PCNX4: variants seen among roughly 807,000 people sequenced by gnomAD.
The protein encoded by PCNX4 is pecanex 4.
Under a neutral mutation model 107.2 loss-of-function variants are expected in PCNX4, and 103 were observed. That is an observed-to-expected ratio of 0.96 (90% confidence interval 0.82 to 1.13). The LOEUF is 1.13. PCNX4 is among the 50% of genes most tolerant of loss of function. The pLI, the probability that PCNX4 is intolerant of heterozygous loss-of-function variation, is 0.00. For synonymous variants in PCNX4, 541 were observed against 481.7 expected (o/e 1.12, Z -1.61); for missense variants, 1,528 against 1,379.4 (o/e 1.11, Z -1.71).
At chr14:60,129,675 C>G (rs548491264) in intron 10 of PCNX4, among the ~76,000 whole-genome samples, 49 of 152,150 alleles carry the variant, frequency 3.2e-4, no homozygotes, top group African/African-American at 1.1e-3. Context: ...GGATTTGTAA[C>G]GTTTATAATG....
At position 60,122,343 on chromosome 14, in the gene PCNX4, G is replaced by A. The variant is rs886290565; in HGVS notation, c.2046+1044G>A. ...ATCTCTTCTTTCATTTAGAGTAAAA[G>A]CCAGGCTCTAAATGGCTAGGCTTCC... On this transcript the variant is annotated intron_variant, in intron 8 of 10. Transcript: ENST00000406854. Among the ~76,000 whole-genome samples, 65 of 152,166 alleles carry A rather than the reference G, an allele frequency of 4.3e-4. 1 individual carries two copies. Among genetic ancestry groups the A allele is most frequent in the African/African-American group, 1.4e-3 (59 of 41,512 alleles).
intron 1 of PCNX4, among the ~76,000 whole-genome samples, chr14:60,107,199 T>C (rs1033497170): frequency 6.6e-6 from 1 of 152,056 alleles, no homozygotes; most frequent in African/African-American, 2.4e-5. Flanking sequence ...CTGGATAATA[T>C]GGCAAAACCC....
At chr14:60,107,447 C>T in intron 1 of PCNX4, 139 bp from the exon 2 acceptor site, 4 of 560,276 alleles carry the variant, frequency 7.1e-6, no homozygotes, top group East Asian at 2.9e-5. Flanking sequence ...AAGTATGTGC[C>T]AGAAAGGGGT....
Position 60,144,771 on chromosome 14 carries a change from T to G in PCNX4, c.*10550T>G. ...TTTTATCCAAGAATATAGTATGAGT[T>G]AATACCTTTTTTGCAAGATTCATGG... On this transcript the variant is annotated 3_prime_UTR_variant, in exon 11 of 11. Coordinates refer to ENST00000406854, the MANE Select transcript of PCNX4 (RefSeq NM_001330177.2). 4 of 585,036 alleles carry G rather than the reference T, an allele frequency of 6.8e-6. No individual in the cohort carries two copies. Among genetic ancestry groups the G allele is most frequent in the Non-Finnish European group, 1.2e-5 (4 of 334,726 alleles). 36.2% of individuals were successfully genotyped at this position (585,036 alleles called of 1,614,324 possible).
rs1896442783 is a variant in PCNX4 at position 60,147,672 on chromosome 14, A to G, written c.*13451A>G. 1.3e-5 allele frequency: 2 copies of G among 152,176 alleles called. No individual in the cohort carries two copies. Among genetic ancestry groups the G allele is most frequent in the African/African-American group, 2.4e-5 (1 of 41,448 alleles). 9.4% of individuals were successfully genotyped at this position (152,176 alleles called of 1,614,324 possible). ...TTAAATTCATGTAATTCCCATAACA[A>G]TCCTGTGACTGGGCACTATTATCAT... On this transcript the variant is annotated 3_prime_UTR_variant, in exon 11 of 11. Transcript: ENST00000406854.
At chr14:60,121,074 G>A in intron 7 of PCNX4, 122 bp from the exon 8 acceptor site, 2 of 1,208,288 alleles carry the variant, frequency 1.7e-6, no homozygotes, top group Non-Finnish European at 2.2e-6. Flanking sequence ...GACCTAATGA[G>A]AGGGTAGGAG....
chr14:60,118,280 A>G (rs967034628), intron 6 of PCNX4, 49 bp from the exon 7 acceptor site: 8 of 1,480,456 alleles, frequency 5.4e-6, no homozygotes, highest in African/African-American at 1.4e-5. Flanking sequence ...TTGAAAATTC[A>G]TGAAAAATCT....
At chr14:60,104,868 C>T (rs530782332) in intron 1 of PCNX4, among the ~76,000 whole-genome samples, 1 of 152,230 alleles carries the variant, frequency 6.6e-6, no homozygotes, top group Admixed American at 6.5e-5. Flanking sequence ...ACAGCCAAAC[C>T]GTATCAGCCC....
intron 1 of PCNX4, among the ~76,000 whole-genome samples, chr14:60,094,612 T>G (rs1423179152): frequency 6.6e-6 from 1 of 152,106 alleles, no homozygotes; most frequent in Admixed American, 6.5e-5. Flanking sequence ...TAGGAACATC[T>G]TAATATCCTG....
intron 10 of PCNX4, among the ~76,000 whole-genome samples, chr14:60,129,415 G>T (rs1896114780): frequency 1.3e-5 from 2 of 152,050 alleles, no homozygotes; most frequent in Admixed American, 1.3e-4. Flanking sequence ...AGCCAAGTGT[G>T]GTGGCGTGCA....
At position 60,125,251 on chromosome 14, in the gene PCNX4, G is replaced by T. The variant is rs764830083; in HGVS notation, c.3080G>T (p.Arg1027Met). Residue 1027 changes from arginine to methionine, a missense_variant and splice_region_variant, in exon 9 of 11, where the codon AGG becomes ATG. By Grantham distance (91) the Arg-to-Met change is moderately conservative (BLOSUM62 -1). Transcript: ENST00000406854. ...ELFQLALKAF[R>M]YTLKLMIDKA... Reference sequence around the variant, plus strand: ...TTTCAACTAGCACTGAAAGCATTCAGGTAATCCATTTTGATCATATGTAAG... The same window carrying T: ...TTTCAACTAGCACTGAAAGCATTCATGTAATCCATTTTGATCATATGTAAG... 1 of 1,543,906 alleles carries T rather than the reference G, an allele frequency of 6.5e-7. No homozygotes were observed. Among genetic ancestry groups the T allele is most frequent in the Admixed American group, 2.2e-5 (1 of 45,812 alleles).
rs566330466 is a variant in PCNX4 at position 60,098,710 on chromosome 14, G to GC, written c.-54+6291_-54+6292insC. 1.3e-3 allele frequency among the ~76,000 whole-genome samples: 196 copies of GC among 152,124 alleles called. 1 individual carries two copies. The highest frequency in any genetic ancestry group is 4.7e-3 in the African/African-American group (193 of 41,494). The stretch of plus-strand genomic sequence containing the variant: ...TCCCAGCACTTTGGGAGGATGAGGC[G>GC]GGTGGATCACCTGAGTTCAGGAGTT... On this transcript the variant is annotated intron_variant, in intron 1 of 10. Coordinates refer to ENST00000406854, the MANE Select transcript of PCNX4 (RefSeq NM_001330177.2).
rs539782261 is a variant in PCNX4 at position 60,115,611 on chromosome 14, G to T, written c.1358-108G>T. On this transcript the variant is annotated intron_variant, in intron 4 of 10. Transcript: ENST00000406854. ...TGGTTTTTTGTTTATTGGCTTTTTA[G>T]TTCATCGCTTAAATGTGCTCATAAA... 88 of 1,337,870 alleles carry T rather than the reference G, an allele frequency of 6.6e-5. No individual in the cohort carries two copies. The African/African-American group carries it at 1.3e-3, about 19-fold the overall frequency. 82.9% of individuals were successfully genotyped at this position (1,337,870 alleles called of 1,614,324 possible).
chr14:60,096,147 A>ACCTGGGTTT (rs1555392208), intron 1 of PCNX4, among the ~76,000 whole-genome samples: 1 of 151,714 alleles, frequency 6.6e-6, no homozygotes. Flanking sequence ...TGTGACAGAT[A>ACCTGGGTTT]TCTGGGTTTT....
rs979181990 is a variant in PCNX4 at position 60,145,505 on chromosome 14, C to T, written c.*11284C>T. On this transcript the variant is annotated 3_prime_UTR_variant, in exon 11 of 11. Transcript: ENST00000406854. This position sits in a 1 kb window ranked among gnomAD's most constrained non-coding sequence, Gnocchi z 4.0. Reference sequence around the variant, plus strand: ...AGAGACCAGCCTGGCAAAACCCCATCTCTACTAAAAATACAAAAATTAGCT... The same window carrying T: ...AGAGACCAGCCTGGCAAAACCCCATTTCTACTAAAAATACAAAAATTAGCT... The T allele has an allele frequency of 6.6e-6, 1 of 152,282 alleles. No homozygotes were observed. The highest frequency in any genetic ancestry group is 1.5e-5 in the Non-Finnish European group (1 of 68,178). The allele number at this position is 152,282 out of a possible 1,614,324, so 9.4% of individuals were successfully genotyped here.
At chr14:60,111,812 CTG>C (rs1485398110) in intron 2 of PCNX4, among the ~76,000 whole-genome samples, 1 of 151,880 alleles carries the variant, frequency 6.6e-6, no homozygotes, top group African/African-American at 2.4e-5. Flanking sequence ...TTTTGTTTAT[CTG>C]TAACTAAAAA....
rs1896332995 is a variant in PCNX4, at chr14:60,143,632, T to C, written c.*9411T>C. Reference sequence around the variant, plus strand: ...CTATGCCTCTAGTACATATCCATGTTGTTATGTATGCATTTATTCCATTGC... The same window carrying C: ...CTATGCCTCTAGTACATATCCATGTCGTTATGTATGCATTTATTCCATTGC... On this transcript the variant is annotated 3_prime_UTR_variant, in exon 11 of 11. Transcript: ENST00000406854. 1 of 152,252 alleles carries C rather than the reference T, an allele frequency of 6.6e-6. No individual in the cohort carries two copies. Among genetic ancestry groups the C allele is most frequent in the Non-Finnish European group, 1.5e-5 (1 of 68,044 alleles). 9.4% of individuals were successfully genotyped at this position (152,252 alleles called of 1,614,324 possible). A position where few individuals can be genotyped will look rare whatever the true frequency, so the allele number is the denominator to read the frequency against.
chr14:60,114,878 C>G lies in PCNX4; in HGVS notation c.868C>G (p.Arg290Gly). Residue 290 changes from arginine to glycine, a missense_variant and splice_region_variant, in exon 3 of 11, where the codon CGG becomes GGG. Arg to Gly is a moderately radical substitution (Grantham distance 125). Coordinates refer to ENST00000406854, the MANE Select transcript of PCNX4 (RefSeq NM_001330177.2). Reference sequence around the variant, plus strand: ...AGGCTCATCTATGTCAACCCACTTACGGTATTTATTTTTAAATATTGATGT... The same window carrying G: ...AGGCTCATCTATGTCAACCCACTTAGGGTATTTATTTTTAAATATTGATGT... ...LGGSSMSTHLRLLVMFIMSAG... is the reference protein window; with the variant it reads ...LGGSSMSTHLGLLVMFIMSAG... The G allele has an allele frequency of 6.3e-7, 1 of 1,595,378 alleles. No homozygotes were observed. The highest frequency in any genetic ancestry group is 8.5e-7 in the Non-Finnish European group (1 of 1,174,346).
intron 10 of PCNX4, among the ~76,000 whole-genome samples, chr14:60,127,018 A>T (rs1443127192): frequency 6.6e-6 from 1 of 152,198 alleles, no homozygotes; most frequent in Non-Finnish European, 1.5e-5. Flanking sequence ...GGAGAAGCAA[A>T]TTATTATTAA....
Sources: gnomAD v4.1 joint callset for allele counts (sites outside exome capture counted in the v4.1 genomes callset) on GRCh38, gnomAD v4.1.1 for gene constraint, Gnocchi (gnomAD v3.1) non-coding constraint, MANE v1.5 for transcripts, NCBI Gene and HGNC (gene_info 2026-07-23, HGNC 2026-07-21) for gene names.